Variants in PHTF1 observed in about 807,000 individuals in gnomAD.
PHTF1 encodes putative homeodomain transcription factor 1.
In PHTF1, 88 loss-of-function variants were observed where a neutral mutation model predicts 102.4. That is an observed-to-expected ratio of 0.86 (90% CI 0.72 to 1.03). The LOEUF is 1.03. Ranked by LOEUF, PHTF1 falls within the 50% of genes least tolerant of loss-of-function variation. The probability of loss-of-function intolerance (pLI) is 0.00; values close to 1 mark genes in which losing one functional copy is unlikely to be tolerated. For synonymous variants in PHTF1, 289 were observed against 305.2 expected (o/e 0.95, Z 0.55); for missense variants, 814 against 909.5 (o/e 0.89, Z 1.35).
chr1:113,736,495 A>G (rs1246527450), intron 5 of PHTF1, among the ~76,000 whole-genome samples: 1 of 152,150 alleles, frequency 6.6e-6, no homozygotes, highest in Non-Finnish European at 1.5e-5. Flanking sequence ...CTGTAATCCC[A>G]GCACTTTGGG....
Position 113,706,057 on chromosome 1 carries a change from G to C in PHTF1, c.1504C>G (p.Leu502Val), listed in dbSNP as rs374444021. The C allele has an allele frequency of 6.2e-7, 1 of 1,613,994 alleles. No homozygotes were observed. The highest frequency in any genetic ancestry group is 8.5e-7 in the Non-Finnish European group (1 of 1,179,994). ...FLHRLFREKS[L>V]DQLKSISAEE... is the part of the protein sequence containing the mutation. The stretch of plus-strand genomic sequence containing the variant: ...GCTGAAATGGACTTTAGTTGGTCAA[G>C]GCTCTTCTCACGGAAAAGTCGATGT... Residue 502 changes from leucine (L) to valine (V), a missense_variant, in exon 13 of 19, where the codon CTT (leucine) becomes GTT (valine). Leu to Val is a conservative substitution (Grantham distance 32). Coordinates refer to ENST00000369604, the MANE Select transcript of PHTF1 (RefSeq NM_001323043.2).
At chr1:113,730,094 G>C (rs1654417033) in intron 5 of PHTF1, among the ~76,000 whole-genome samples, 1 of 152,040 alleles carries the variant, frequency 6.6e-6, no homozygotes, top group South Asian at 2.1e-4. Flanking sequence ...GAATGCCTGG[G>C]GGACCCAAAA....
At chr1:113,746,809 A>T in intron 3 of PHTF1, 2 of 755,374 alleles carry the variant, frequency 2.6e-6, no homozygotes, top group Non-Finnish European at 3.2e-6. Flanking sequence ...AATAATACTC[A>T]TATTACAAGG....
chr1:113,715,978 T>C (rs1651952274), intron 7 of PHTF1, among the ~76,000 whole-genome samples: 2 of 151,980 alleles, frequency 1.3e-5, no homozygotes, highest in East Asian at 3.9e-4. Context: ...GAAAATAGCC[T>C]CAAAACAGCA....
At chr1:113,700,107 T>C (rs1343081771) in intron 16 of PHTF1, 51 of 1,035,138 alleles carry the variant, frequency 4.9e-5, no homozygotes, top group Non-Finnish European at 5.9e-5. Flanking sequence ...GTTCAAAACC[T>C]CTATCTTATT....
At chr1:113,725,354 CATTTT>C in intron 6 of PHTF1, 1 of 152,296 alleles carries the variant, frequency 6.6e-6, no homozygotes, top group African/African-American at 2.4e-5. Flanking sequence ...CATAGCATAG[CATTTT>C]ATTTCCTTAG....
chr1:113,707,198 G>T (rs990691729), intron 11 of PHTF1, among the ~76,000 whole-genome samples: 2 of 152,092 alleles, frequency 1.3e-5, no homozygotes, highest in African/African-American at 4.8e-5. Flanking sequence ...GGGAGTAATA[G>T]GAAGTAAAGG....
chr1:113,707,790 T>C (rs1332874275), intron 11 of PHTF1, among the ~76,000 whole-genome samples: 1 of 152,192 alleles, frequency 6.6e-6, no homozygotes, highest in Non-Finnish European at 1.5e-5. Context: ...AGGAAGTTAC[T>C]ATACAGCATG....
intron 3 of PHTF1, among the ~76,000 whole-genome samples, chr1:113,743,442 T>A (rs1370524125): frequency 6.6e-6 from 1 of 152,140 alleles, no homozygotes; most frequent in African/African-American, 2.4e-5. Context: ...AGGACCTACC[T>A]GAGACTGTTT....
chr1:113,731,035 G>A (rs769764511), intron 5 of PHTF1, among the ~76,000 whole-genome samples: 3 of 152,154 alleles, frequency 2.0e-5, no homozygotes, highest in Non-Finnish European at 2.9e-5. Context: ...AGTTTAATGG[G>A]TATGGAGTTT....
rs1313531583 is a variant in PHTF1, at chr1:113,697,660, TAAGTTTTG to T, written c.*37_*44del. On this transcript the variant is annotated 3_prime_UTR_variant, in exon 19 of 19. Transcript: ENST00000369604. ...TGCAGTCATCACTTTCCTTGATAGG[TAAGTTTTG>T]ATACCAGCCAGGGGAGAGTCCAGGC... The T allele has an allele frequency of 7.0e-7, 1 of 1,425,134 alleles. No homozygotes were observed. Among genetic ancestry groups the T allele is most frequent in the Non-Finnish European group, 9.9e-7 (1 of 1,010,706 alleles). The allele number at this position is 1,425,134 out of a possible 1,614,324, so 88.3% of individuals were successfully genotyped here.
intron 3 of PHTF1, among the ~76,000 whole-genome samples, chr1:113,739,777 C>T (rs1656067617): frequency 6.6e-6 from 1 of 152,176 alleles, no homozygotes; most frequent in Admixed American, 6.5e-5. Context: ...ATTCTACTCT[C>T]TACTTCTATG....
At chr1:113,709,910 T>C (rs755014803) in intron 11 of PHTF1, among the ~76,000 whole-genome samples, 7 of 152,236 alleles carry the variant, frequency 4.6e-5, no homozygotes, top group Non-Finnish European at 1.0e-4. Flanking sequence ...TAGTAATTCA[T>C]ATGTAACACT....
chr1:113,737,222 T>C (rs1327651816), intron 5 of PHTF1, among the ~76,000 whole-genome samples: 1 of 152,206 alleles, frequency 6.6e-6, no homozygotes, highest in Admixed American at 6.5e-5. Flanking sequence ...TACTGGGTGA[T>C]TGATAGTATC....
Position 113,700,826 on chromosome 1 carries a change from A to G in PHTF1, c.2014T>C (p.Tyr672His). 1 of 1,613,930 alleles carries G rather than the reference A, an allele frequency of 6.2e-7. No homozygotes were observed. The part of the protein sequence containing the change: ...ASLGSETNKK[Y>H]SNVSILLTEQ... ...GTAAGTAATATTGAAACATTGCTGTATTTCTTATTGGTTTCAGACCCCAGT... is the reference window on the plus strand; with the variant it reads ...GTAAGTAATATTGAAACATTGCTGTGTTTCTTATTGGTTTCAGACCCCAGT... Residue 672 changes from tyrosine (Y) to histidine (H), a missense_variant, in exon 16 of 19, where the codon TAC (tyrosine) becomes CAC (histidine). By Grantham distance (83) the Tyr-to-His change is moderately conservative. Coordinates refer to ENST00000369604, the MANE Select transcript of PHTF1 (RefSeq NM_001323043.2).
rs1302178162 is a variant in PHTF1, at chr1:113,738,121, T to A, written c.320A>T (p.Tyr107Phe). ...LRIFVWLLLL[Y>F]FMQVIAIVLY... ...ATTTCTCCAATTACCTTGCATGAAA[T>A]AAAGTAGTAACAGCCAAACAAAGAT... The change falls in exon 5 of 19, where the codon TAT becomes TTT. Residue 107 changes from tyrosine to phenylalanine, a missense_variant. By Grantham distance (22) the Tyr-to-Phe change is conservative. Transcript: ENST00000369604. 8 of 1,607,960 alleles carry A rather than the reference T, an allele frequency of 5.0e-6. No homozygotes were observed. In the Admixed American group the frequency reaches 1.2e-4, roughly 24 times the overall value.
At chr1:113,755,863 A>T in intron 3 of PHTF1, among the ~76,000 whole-genome samples, 1 of 151,600 alleles carries the variant, frequency 6.6e-6, no homozygotes, top group Non-Finnish European at 1.5e-5. Context: ...GATCGAGACC[A>T]TCCTGGCTAA....
chr1:113,727,042 G>GTATA (rs71590575), intron 5 of PHTF1, among the ~76,000 whole-genome samples: 5,016 of 148,054 alleles, frequency 0.034, 279 homozygotes, highest in African/African-American at 0.12. Context: ...ACATATATGT[G>GTATA]TATATATATA....
intron 3 of PHTF1, among the ~76,000 whole-genome samples, chr1:113,750,002 G>T (rs975142544): frequency 2.1e-5 from 3 of 146,290 alleles, no homozygotes; most frequent in Non-Finnish European, 3.1e-5. Flanking sequence ...TTTTGTTTTT[G>T]TTTTTTTTTC....
Sources: allele counts gnomAD v4.1 joint callset (sites outside exome capture counted in the v4.1 genomes callset), GRCh38; gene constraint gnomAD v4.1.1; transcripts MANE v1.5; gene names NCBI Gene and HGNC (gene_info 2026-07-23, HGNC 2026-07-21).